The following DNAH17 variants were observed in gnomAD, a reference collection of about 807,000 sequenced individuals.
DNAH17 encodes the protein dynein axonemal heavy chain 17.
Under a neutral mutation model 485.6 loss-of-function variants are expected in DNAH17, and 376 were observed. The ratio of observed to expected loss-of-function variants is 0.77; its 90% CI spans 0.71 to 0.84. The LOEUF (loss-of-function observed/expected upper bound fraction) is 0.84. Among genes scored for constraint, DNAH17 ranks in the 40% least tolerant of loss-of-function variants. DNAH17 has a pLI of 0.00. For missense variants in DNAH17, 6,370 were observed against 5,839.3 expected (o/e 1.09, Z -2.96); for synonymous variants, 3,031 against 2,405.9 (o/e 1.26, Z -7.60).
intron 75 of DNAH17, among the ~76,000 whole-genome samples, chr17:78,429,601 C>T (rs1413150194): frequency 3.9e-5 from 6 of 152,236 alleles, no homozygotes; most frequent in Non-Finnish European, 8.8e-5. Flanking sequence ...TCTGCACCTC[C>T]CGTGGGGCAG....
intron 25 of DNAH17, among the ~76,000 whole-genome samples, chr17:78,516,721 G>C (rs1039962565): frequency 4.0e-5 from 6 of 148,898 alleles, no homozygotes; most frequent in Non-Finnish European, 7.4e-5. Flanking sequence ...AAGAGAGAGA[G>C]ACAGACTCAA....
At chr17:78,486,866 G>C (rs1322573929) in intron 44 of DNAH17, among the ~76,000 whole-genome samples, 1 of 152,126 alleles carries the variant, frequency 6.6e-6, no homozygotes, top group Non-Finnish European at 1.5e-5. Context: ...GATGTCATGT[G>C]GGGGGCACGA....
chr17:78,462,723 TCTTA>T (rs1054390939), intron 57 of DNAH17, 117 bp downstream of exon 57: 2 of 911,946 alleles, frequency 2.2e-6, no homozygotes, highest in Non-Finnish European at 3.4e-6. Context: ...AGCGTGCTCA[TCTTA>T]CTTTAGGCAG....
chr17:78,479,530 T>A lies in DNAH17; in HGVS notation c.7855A>T (p.Met2619Leu), dbSNP rs532581347. The A allele has an allele frequency of 1.4e-5, 23 of 1,613,416 alleles. No individual in the cohort carries two copies. Among genetic ancestry groups the A allele is most frequent in the Non-Finnish European group, 1.9e-5 (23 of 1,179,860 alleles). ...TQHLAFRSVS[M>L]AIQRISSQLV... is the part of the protein sequence containing the mutation. ...TGGCTGCTTATCCTCTGGATAGCCA[T>A]GGAGACCGAGCGGAAGGCCAGGTGC... The change falls in exon 50 of 81, where the codon ATG (methionine) becomes TTG (leucine). Residue 2619 changes from methionine to leucine, a missense_variant. Transcript: ENST00000389840.
At chr17:78,568,891 G>A (rs552947362) in intron 9 of DNAH17, among the ~76,000 whole-genome samples, 10 of 152,310 alleles carry the variant, frequency 6.6e-5, no homozygotes, top group South Asian at 2.1e-4. Flanking sequence ...CGTCCTGAAC[G>A]TGGGGGTTTA....
In DNAH17 at chr17:78,495,055, C is replaced by G; in HGVS notation, c.5946G>C (p.Glu1982Asp). 1 of 1,611,530 alleles carries G rather than the reference C, an allele frequency of 6.2e-7. No individual in the cohort carries two copies. The highest frequency in any genetic ancestry group is 8.5e-7 in the Non-Finnish European group (1 of 1,178,924). Residue 1982 changes from glutamate to aspartate, a missense_variant, in exon 39 of 81, where the codon GAG becomes GAC. By Grantham distance (45) the Glu-to-Asp change is conservative. Transcript: ENST00000389840. Reference protein sequence around the residue: ...MVVPDFELICEIMLMAEGFLE... With the variant: ...MVVPDFELICDIMLMAEGFLE... ...GAAAGCCCTCGGCCATGAGCATGAT[C>G]TCACATATCAGTTCGAAGTCGGGGA... is the stretch of plus-strand genomic sequence containing the variant.
chr17:78,498,984 G>A (rs549017673), intron 37 of DNAH17, 24 bp downstream of exon 37: 70 of 1,575,320 alleles, frequency 4.4e-5, no homozygotes, highest in Admixed American at 4.4e-4. Flanking sequence ...ACGTGACCCC[G>A]AGGCCGCAGG....
chr17:78,486,641 A>G, intron 44 of DNAH17, 135 bp from the exon 45 acceptor site: 1 of 1,147,266 alleles, frequency 8.7e-7, no homozygotes, highest in African/African-American at 1.6e-5. Flanking sequence ...CCTGCATGGC[A>G]ATGGGTCCAA....
At chr17:78,518,722 A>G (rs2090854372) in intron 25 of DNAH17, among the ~76,000 whole-genome samples, 1 of 152,230 alleles carries the variant, frequency 6.6e-6, no homozygotes. Context: ...CCCATGGGAC[A>G]TTCCCCCAGA....
chr17:78,502,023 C>T, intron 33 of DNAH17, 150 bp from the exon 34 acceptor site: 1 of 1,135,962 alleles, frequency 8.8e-7, no homozygotes, highest in South Asian at 1.5e-5. Context: ...AGGCCCCAGC[C>T]AGGCACTGGT....
At chr17:78,442,700 G>A (rs1327626951) in intron 71 of DNAH17, among the ~76,000 whole-genome samples, 1 of 152,226 alleles carries the variant, frequency 6.6e-6, no homozygotes, top group Non-Finnish European at 1.5e-5. Flanking sequence ...GCCGGCTGGT[G>A]ACAGCTTTCA....
In DNAH17 at chr17:78,576,944, C is replaced by T. The variant is rs73999138; in HGVS notation, c.-26+351G>A. ...ATAGGGTTGTCCCAGGCCATGCTTC[C>T]GGAGGGGCAGAGACGGCTTCTCTGG... On this transcript the variant is annotated intron_variant, in intron 1 of 80. Coordinates refer to ENST00000389840, the MANE Select transcript of DNAH17 (RefSeq NM_173628.4). Among the ~76,000 whole-genome samples the T allele has an allele frequency of 6.6e-3, 1,008 of 152,262 alleles. 12 individuals carry two copies. Among genetic ancestry groups the T allele is most frequent in the African/African-American group, 0.023 (951 of 41,546 alleles).
At chr17:78,459,495 G>A (rs531520335) in intron 60 of DNAH17, among the ~76,000 whole-genome samples, 97 of 152,350 alleles carry the variant, frequency 6.4e-4, no homozygotes, top group African/African-American at 2.2e-3. Context: ...GTTACATTTT[G>A]GGGACGGTAT....
Position 78,571,595 on chromosome 17 carries a change from C to A in DNAH17, c.727G>T (p.Glu243Ter), listed in dbSNP as rs2092358856. 1 of 1,613,856 alleles carries A rather than the reference C, an allele frequency of 6.2e-7. No individual in the cohort carries two copies. The highest frequency in any genetic ancestry group is 1.1e-5 in the South Asian group (1 of 91,048). Reference sequence around the variant, plus strand: ...CAGGAGAGAGGAGGCCGTACCTGTTCATGGATGCACTTGAGGTTCAGCAGC... The same window carrying A: ...CAGGAGAGAGGAGGCCGTACCTGTTAATGGATGCACTTGAGGTTCAGCAGC... The part of the protein sequence containing the change: ...TRLLNLKCIH[E>*]QLNRPKVNKI... Residue 243 changes from glutamate to a stop codon, truncating the protein, a stop_gained, in exon 4 of 81, where the codon GAA (glutamate) becomes TAA (stop). Transcript: ENST00000389840. LOFTEE classifies it high-confidence loss of function.
At chr17:78,483,721 C>T (rs1381761654) in intron 48 of DNAH17, among the ~76,000 whole-genome samples, 1 of 152,146 alleles carries the variant, frequency 6.6e-6, no homozygotes, top group Non-Finnish European at 1.5e-5. Context: ...CCCATGCCTG[C>T]CTTTCTCGGC....
At position 78,464,167 on chromosome 17, in the gene DNAH17, C is replaced by A. The variant is rs117103213; in HGVS notation, c.8941-1090G>T. ...AGGTTTATTCCAAGGGCTGCTCATC[C>A]CCCCTACTGAGTTGGTCAAAAGTGA... On this transcript the variant is annotated intron_variant, in intron 56 of 80. Transcript: ENST00000389840. 3.3e-5 allele frequency among the ~76,000 whole-genome samples: 5 copies of A among 152,268 alleles called. No homozygotes were observed. In the East Asian group the frequency reaches 9.6e-4, roughly 29 times the overall value.
At position 78,455,829 on chromosome 17, in the gene DNAH17, C is replaced by T. The variant is rs372519071; in HGVS notation, c.9985G>A (p.Gly3329Arg). The T allele has an allele frequency of 3.7e-5, 60 of 1,600,828 alleles. No individual in the cohort carries two copies. The highest frequency in any genetic ancestry group is 1.7e-4 in the Middle Eastern group (1 of 6,024). ...RVILLANRLVGGLASENIRWA... is the reference protein window; with the variant it reads ...RVILLANRLVRGLASENIRWA... ...CGGATGTTTTCCGATGCTAATCCCC[C>T]GACCAGCCTAAAGTGGGATGAGAGA... Residue 3329 changes from glycine (G) to arginine (R), a missense_variant, in exon 63 of 81, where the codon GGG becomes AGG. Transcript: ENST00000389840.
At chr17:78,433,062 G>A (rs1357089562) in intron 75 of DNAH17, among the ~76,000 whole-genome samples, 1 of 152,142 alleles carries the variant, frequency 6.6e-6, no homozygotes, top group East Asian at 1.9e-4. Context: ...GAGGGTGCCC[G>A]GACCTTGCTC....
chr17:78,519,012 C>CA (rs1393678921), intron 25 of DNAH17, among the ~76,000 whole-genome samples: 9 of 151,334 alleles, frequency 5.9e-5, no homozygotes, highest in Non-Finnish European at 1.3e-4. Flanking sequence ...ACTAAAAATA[C>CA]AAAAAATTAG....
Sources: allele counts gnomAD v4.1 joint callset (sites outside exome capture counted in the v4.1 genomes callset), GRCh38; gene constraint gnomAD v4.1.1; transcripts MANE v1.5; gene names NCBI Gene and HGNC (gene_info 2026-07-23, HGNC 2026-07-21).